RNF220: variants seen among roughly 807,000 people sequenced by gnomAD.
The protein encoded by RNF220 is E3 ubiquitin-protein ligase RNF220.
A neutral mutation model predicts 67.1 loss-of-function variants in RNF220; 7 were observed. The ratio of observed to expected loss-of-function variants is 0.10; its 90% CI spans 0.06 to 0.20. The LOEUF (loss-of-function observed/expected upper bound fraction) is 0.20. RNF220 is among the 10% of genes least tolerant of loss of function. RNF220 has a pLI of 1.00. For missense variants in RNF220, 565 were observed against 740.3 expected (o/e 0.76, Z 2.75); for synonymous variants, 270 against 283.2 (o/e 0.95, Z 0.47).
intron 6 of RNF220, chr1:44,632,724 C>T (rs1024655111): frequency 7.1e-6 from 3 of 423,156 alleles, no homozygotes; most frequent in South Asian, 3.1e-5. Flanking sequence ...CTATACAAAC[C>T]TGCAGGGCGC....
intron 2 of RNF220, among the ~76,000 whole-genome samples, chr1:44,474,261 G>A (rs1655079043): frequency 2.0e-5 from 3 of 151,860 alleles, no homozygotes. Flanking sequence ...TGTAATCCCA[G>A]CTACTTGGGA....
In RNF220 at chr1:44,635,846, C is replaced by T. The variant is rs147744544; in HGVS notation, c.994-184C>T. ...CACTCATTCCCTCCTTGGGCTCCAG[C>T]GGAAAACTATTGGGAAGAGGCCCAG... On this transcript the variant is annotated intron_variant, in intron 7 of 14. Coordinates refer to ENST00000361799, the MANE Select transcript of RNF220 (RefSeq NM_018150.4). 4.6e-5 allele frequency: 60 copies of T among 1,315,442 alleles called. No individual in the cohort carries two copies. In the East Asian group the frequency reaches 9.0e-4, roughly 20 times the overall value. The allele number at this position is 1,315,442 out of a possible 1,614,324, so 81.5% of individuals were successfully genotyped here.
intron 2 of RNF220, among the ~76,000 whole-genome samples, chr1:44,432,303 C>T (rs1557919836): frequency 6.6e-6 from 1 of 152,138 alleles, no homozygotes; most frequent in South Asian, 2.1e-4. Context: ...TGGATTCTTG[C>T]TCTGTTGCCC....
chr1:44,614,453 C>T (rs1212948474), intron 3 of RNF220, among the ~76,000 whole-genome samples, 156 bp downstream of exon 3: 3 of 152,224 alleles, frequency 2.0e-5, no homozygotes, highest in Non-Finnish European at 4.4e-5. Context: ...ATCCTCAGAT[C>T]TTTCCGCTGA....
chr1:44,546,357 C>T (rs922971396), intron 2 of RNF220, among the ~76,000 whole-genome samples: 1 of 152,180 alleles, frequency 6.6e-6, no homozygotes, highest in Admixed American at 6.5e-5. Flanking sequence ...GGAGAATCAC[C>T]TCCACCGCAA....
In RNF220 at chr1:44,559,080, C is replaced by T. The variant is rs574207205; in HGVS notation, c.626-55085C>T. Among the ~76,000 whole-genome samples the T allele has an allele frequency of 1.5e-4, 23 of 152,352 alleles. No homozygotes were observed. The South Asian group carries it at 3.3e-3, about 22-fold the overall frequency. On this transcript the variant is annotated intron_variant, in intron 2 of 14. Coordinates refer to ENST00000361799, the MANE Select transcript of RNF220 (RefSeq NM_018150.4). ...TTTGTCCCTAGCGCCTAGCCCAATGCGCAACACATAGTAAGTGCTCATTAA... is the reference window on the plus strand; with the variant it reads ...TTTGTCCCTAGCGCCTAGCCCAATGTGCAACACATAGTAAGTGCTCATTAA...
intron 2 of RNF220, among the ~76,000 whole-genome samples, chr1:44,585,149 C>T (rs929820762): frequency 2.0e-5 from 3 of 152,202 alleles, no homozygotes; most frequent in African/African-American, 7.2e-5. Context: ...TCCTGACTCC[C>T]CAGGCCCCGT....
chr1:44,512,785 A>G (rs1248481400), intron 2 of RNF220, among the ~76,000 whole-genome samples: 1 of 152,134 alleles, frequency 6.6e-6, no homozygotes, highest in Non-Finnish European at 1.5e-5. Flanking sequence ...GATTTCAGGA[A>G]GGTGTAACTA....
At chr1:44,407,981 C>T (rs1481214814) in intron 1 of RNF220, among the ~76,000 whole-genome samples, 1 of 152,224 alleles carries the variant, frequency 6.6e-6, no homozygotes, top group Non-Finnish European at 1.5e-5. Flanking sequence ...CCTGGACTGG[C>T]GCTTTGGTTG....
chr1:44,408,349 T>C (rs1225103108), intron 1 of RNF220, among the ~76,000 whole-genome samples: 1 of 152,180 alleles, frequency 6.6e-6, no homozygotes, highest in Non-Finnish European at 1.5e-5. Flanking sequence ...CGGCCATGCC[T>C]GAAACACAGG....
intron 2 of RNF220, among the ~76,000 whole-genome samples, chr1:44,482,988 T>C (rs1413333675): frequency 3.1e-5 from 4 of 131,126 alleles, no homozygotes; most frequent in Admixed American, 1.9e-4. Context: ...TGGAGCGCAG[T>C]GGAACGATCG....
chr1:44,489,159 T>C (rs1656623584), intron 2 of RNF220, among the ~76,000 whole-genome samples: 1 of 152,198 alleles, frequency 6.6e-6, no homozygotes, highest in African/African-American at 2.4e-5. Flanking sequence ...TCTTGTATTC[T>C]GGAGGAAAAG....
At position 44,405,263 on chromosome 1, in the gene RNF220, A is replaced by T. The variant is rs1181566790; in HGVS notation, c.-385A>T. 2.5e-6 allele frequency: 1 copy of T among 398,114 alleles called. No homozygotes were observed. Among genetic ancestry groups the T allele is most frequent in the African/African-American group, 2.1e-5 (1 of 46,578 alleles). The allele number at this position is 398,114 out of a possible 1,614,324, so 24.7% of individuals were successfully genotyped here. ...TGGGAGAGTGGAGGCTCATTCACTG[A>T]TTAGATCCAGCGCTGAGAGGCAGCA... On this transcript the variant is annotated 5_prime_UTR_variant, in exon 1 of 15. Transcript: ENST00000361799.
chr1:44,505,765 G>A (rs544944620), intron 2 of RNF220, among the ~76,000 whole-genome samples: 36 of 152,172 alleles, frequency 2.4e-4, no homozygotes, highest in South Asian at 6.2e-4. Context: ...TTCTCCCCAC[G>A]GCAGGAGAAT....
At chr1:44,483,964 C>T (rs1442507328) in intron 2 of RNF220, among the ~76,000 whole-genome samples, 1 of 152,108 alleles carries the variant, frequency 6.6e-6, no homozygotes, top group Non-Finnish European at 1.5e-5. Flanking sequence ...TCCTAAGCCC[C>T]TTACCCTTGC....
intron 2 of RNF220, among the ~76,000 whole-genome samples, chr1:44,598,269 C>A (rs1666675318): frequency 6.6e-6 from 1 of 152,188 alleles, no homozygotes; most frequent in South Asian, 2.1e-4. Flanking sequence ...GCAGCAGGAG[C>A]TGCAAGCGAG....
At chr1:44,584,655 T>C (rs529942256) in intron 2 of RNF220, among the ~76,000 whole-genome samples, 1 of 152,338 alleles carries the variant, frequency 6.6e-6, no homozygotes, top group African/African-American at 2.4e-5. Context: ...CAAGCTTGTC[T>C]TGGCACAGCC....
Position 44,636,078 on chromosome 1 carries a change from G to A in RNF220, c.1042G>A (p.Glu348Lys). The A allele has an allele frequency of 4.3e-6, 7 of 1,614,256 alleles. No homozygotes were observed. Among genetic ancestry groups the A allele is most frequent in the Non-Finnish European group, 5.9e-6 (7 of 1,180,052 alleles). The change falls in exon 8 of 15, where the codon GAG becomes AAG. Residue 348 changes from glutamate (E) to lysine (K), a missense_variant. Glu to Lys is a moderately conservative substitution (Grantham distance 56). Coordinates refer to ENST00000361799, the MANE Select transcript of RNF220 (RefSeq NM_018150.4). ...AEDDAVDIEH[E>K]NNNRFEEYEW... Reference sequence around the variant, plus strand: ...GGATGATGCTGTGGACATCGAGCATGAGAACAACAACCGCTTTGAGGAGTA... The same window carrying A: ...GGATGATGCTGTGGACATCGAGCATAAGAACAACAACCGCTTTGAGGAGTA...
intron 2 of RNF220, among the ~76,000 whole-genome samples, chr1:44,442,403 A>T (rs1299059821): frequency 6.6e-6 from 1 of 151,964 alleles, no homozygotes; most frequent in Non-Finnish European, 1.5e-5. Context: ...TCAGCCTCCT[A>T]AAGTGTTAAG....
Sources: allele counts gnomAD v4.1 joint callset (sites outside exome capture counted in the v4.1 genomes callset), GRCh38; gene constraint gnomAD v4.1.1; transcripts MANE v1.5; gene names NCBI Gene and HGNC (gene_info 2026-07-23, HGNC 2026-07-21).